The following NAALADL2 variants were observed in gnomAD, a reference collection of about 807,000 sequenced individuals.
NAALADL2 encodes inactive N-acetylated-alpha-linked acidic dipeptidase-like protein 2.
A neutral mutation model predicts 87.2 loss-of-function variants in NAALADL2; 76 were observed. The observed-to-expected ratio is 0.87, with a 90% CI of 0.72 to 1.05. NAALADL2 has a LOEUF of 1.05. Among genes scored for constraint, NAALADL2 ranks in the 50% least tolerant of loss-of-function variants. NAALADL2 has a pLI of 0.00. For missense variants in NAALADL2, 1,089 were observed against 945.8 expected (o/e 1.15, Z -1.99); for synonymous variants, 354 against 331.0 (o/e 1.07, Z -0.75).
chr3:175,455,323 A>G (rs535402344), intron 6 of NAALADL2, among the ~76,000 whole-genome samples: 16 of 152,104 alleles, frequency 1.1e-4, no homozygotes, highest in African/African-American at 3.9e-4. Flanking sequence ...AGGGTAGCAA[A>G]TAGATGTGAA....
At chr3:175,570,802 C>T (rs574775012) in intron 9 of NAALADL2, among the ~76,000 whole-genome samples, 1 of 151,144 alleles carries the variant, frequency 6.6e-6, no homozygotes, top group East Asian at 2.0e-4. Flanking sequence ...ATGGCGTGAA[C>T]CCAGGGGGCA....
At chr3:175,678,617 C>T (rs576335739) in intron 11 of NAALADL2, among the ~76,000 whole-genome samples, 9 of 152,192 alleles carry the variant, frequency 5.9e-5, no homozygotes, top group African/African-American at 1.2e-4. Flanking sequence ...AGCAAACTAT[C>T]GCAAGGACAG....
intron 13 of NAALADL2, among the ~76,000 whole-genome samples, chr3:175,779,458 T>TC (rs1750716709): frequency 6.6e-6 from 1 of 151,840 alleles, no homozygotes; most frequent in Non-Finnish European, 1.5e-5. Context: ...CATTTTTTTT[T>TC]CAAAATGTTT....
At chr3:175,470,828 G>T (rs918143408) in intron 8 of NAALADL2, among the ~76,000 whole-genome samples, 2 of 151,906 alleles carry the variant, frequency 1.3e-5, no homozygotes, top group African/African-American at 4.8e-5. Context: ...AATGCATCAG[G>T]TTTTTTTTAA....
At chr3:174,737,215 G>T (rs1205058542) in intron 2 of NAALADL2, among the ~76,000 whole-genome samples, 2 of 152,194 alleles carry the variant, frequency 1.3e-5, no homozygotes, top group Non-Finnish European at 2.9e-5. Flanking sequence ...CCCCAGGCAG[G>T]TCTCAGATTC....
intron 1 of NAALADL2, among the ~76,000 whole-genome samples, chr3:175,000,083 A>G (rs1193725716): frequency 6.6e-6 from 1 of 152,228 alleles, no homozygotes; most frequent in East Asian, 1.9e-4. Flanking sequence ...AATCTAAAAT[A>G]TAAATAAACT....
intron 3 of NAALADL2, among the ~76,000 whole-genome samples, chr3:174,755,395 A>G (rs1281260328): frequency 6.6e-6 from 1 of 152,210 alleles, no homozygotes; most frequent in African/African-American, 2.4e-5. Flanking sequence ...TTTTATAAGT[A>G]TGTGGCTAAT....
At chr3:175,618,346 T>G (rs1725648689) in intron 10 of NAALADL2, among the ~76,000 whole-genome samples, 1 of 152,054 alleles carries the variant, frequency 6.6e-6, no homozygotes, top group South Asian at 2.1e-4. Context: ...TCAGACAAGC[T>G]TGAGAGACAA....
At chr3:174,717,995 G>C (rs1578666764) in intron 2 of NAALADL2, among the ~76,000 whole-genome samples, 1 of 152,042 alleles carries the variant, frequency 6.6e-6, no homozygotes, top group Non-Finnish European at 1.5e-5. Context: ...CGGGCGTGTT[G>C]GGAGGCGCCT....
At chr3:175,122,683 C>T (rs373849807) in intron 2 of NAALADL2, among the ~76,000 whole-genome samples, 59 of 151,844 alleles carry the variant, frequency 3.9e-4, no homozygotes, top group African/African-American at 1.4e-3. Flanking sequence ...TTTATTATCT[C>T]CTCCCATTCT....
intron 6 of NAALADL2, among the ~76,000 whole-genome samples, chr3:175,451,803 C>T (rs1156276186): frequency 6.6e-6 from 1 of 151,752 alleles, no homozygotes; most frequent in African/African-American, 2.4e-5. Flanking sequence ...TCCTTATTTC[C>T]TATTATTTCC....
chr3:174,794,598 A>C (rs1717851511), intron 3 of NAALADL2, among the ~76,000 whole-genome samples: 1 of 152,184 alleles, frequency 6.6e-6, no homozygotes, highest in Non-Finnish European at 1.5e-5. Context: ...AAAGAAAAGC[A>C]TTCTCTGCAC....
intron 4 of NAALADL2, among the ~76,000 whole-genome samples, chr3:175,259,899 G>C (rs535172562): frequency 6.6e-6 from 1 of 152,042 alleles, no homozygotes; most frequent in African/African-American, 2.4e-5. Flanking sequence ...GTGGTGGTGC[G>C]CACCTATAAT....
At chr3:174,502,858 G>A (rs1047768652) in intron 1 of NAALADL2, among the ~76,000 whole-genome samples, 73 of 151,910 alleles carry the variant, frequency 4.8e-4, no homozygotes, top group African/African-American at 1.7e-3. Context: ...GTGAAACCCC[G>A]TCTCTACTAA....
chr3:174,893,527 T>G (rs1258950023), intron 1 of NAALADL2, among the ~76,000 whole-genome samples: 1 of 152,062 alleles, frequency 6.6e-6, no homozygotes, highest in Non-Finnish European at 1.5e-5. Flanking sequence ...AAGATGCAAA[T>G]AGAAGAAACA....
intron 2 of NAALADL2, among the ~76,000 whole-genome samples, chr3:175,160,371 T>C (rs182024634): frequency 0.1 from 12,109 of 116,430 alleles, 742 homozygotes; most frequent in African/African-American, 0.17. Context: ...TTTTTTTTTT[T>C]TTTTTTTTTT....
At chr3:174,691,865 G>A (rs905848313) in intron 2 of NAALADL2, 1 of 152,186 alleles carries the variant, frequency 6.6e-6, no homozygotes, top group African/African-American at 2.4e-5. Context: ...TTCATAAGAT[G>A]CAGCTCCTCA....
At chr3:175,443,946 T>C (rs562710847) in intron 5 of NAALADL2, among the ~76,000 whole-genome samples, 15 of 152,300 alleles carry the variant, frequency 9.8e-5, no homozygotes, top group South Asian at 6.2e-4. Flanking sequence ...TTGAAGGAAC[T>C]GAGTACTTTA....
intron 11 of NAALADL2, chr3:175,655,425 G>C (rs1560923195): frequency 3.2e-6 from 1 of 313,576 alleles, no homozygotes; most frequent in Non-Finnish European, 6.3e-6. Context: ...TTTAGCTGGA[G>C]TTTGCCAAAC....
Sources: allele counts gnomAD v4.1 joint callset (sites outside exome capture counted in the v4.1 genomes callset), GRCh38; gene constraint gnomAD v4.1.1; transcripts MANE v1.5; gene names NCBI Gene and HGNC (gene_info 2026-07-23, HGNC 2026-07-21).